The following DEPDC5 variants were observed in gnomAD, a reference collection of about 807,000 sequenced individuals.
DEPDC5 encodes DEP domain containing 5, GATOR1 subcomplex subunit, also known as GATOR1 complex protein DEPDC5.
In DEPDC5, 73 loss-of-function variants were observed where a neutral mutation model predicts 217.3. The ratio of observed to expected loss-of-function variants is 0.34; its 90% CI spans 0.28 to 0.41. The LOEUF (loss-of-function observed/expected upper bound fraction) is 0.41. DEPDC5 is among the 10% of genes least tolerant of loss of function. The probability of loss-of-function intolerance (pLI) is 1.00; values close to 1 mark genes in which losing one functional copy is unlikely to be tolerated. For synonymous variants in DEPDC5, 733 were observed against 756.7 expected (o/e 0.97, Z 0.51); for missense variants, 1,675 against 2,070.1 (o/e 0.81, Z 3.70).
At chr22:31,847,002 C>G in intron 31 of DEPDC5, 35 bp downstream of exon 31, 8 of 1,614,050 alleles carry the variant, frequency 5.0e-6, no homozygotes, top group Non-Finnish European at 6.8e-6. Flanking sequence ...TTGTCCCCAC[C>G]TTGACAGCCC....
chr22:31,851,417 G>C (rs1157378575), intron 31 of DEPDC5, among the ~76,000 whole-genome samples: 1 of 152,176 alleles, frequency 6.6e-6, no homozygotes, highest in Non-Finnish European at 1.5e-5. Flanking sequence ...AGAAAACATT[G>C]CCTTGGGCTG....
chr22:31,837,126 T>A lies in DEPDC5; in HGVS notation c.2325T>A (p.Tyr775Ter), dbSNP rs374158137. ...AGAATGACTACACAGAGGGCTGTTATGATCTCCTTCCAGAAGCAGACATCG... is the reference window on the plus strand; with the variant it reads ...AGAATGACTACACAGAGGGCTGTTAAGATCTCCTTCCAGAAGCAGACATCG... Reference protein sequence around the residue: ...GLQNDYTEGCYDLLPEADIDR... With the variant: ...GLQNDYTEGC Residue 775 changes from tyrosine (Y) to a stop codon, truncating the protein, a stop_gained, in exon 26 of 43, where the codon TAT becomes TAA. Coordinates refer to ENST00000651528, the MANE Select transcript of DEPDC5 (RefSeq NM_001242896.3). LOFTEE classifies it high-confidence loss of function. 6.2e-7 allele frequency: 1 copy of A among 1,614,150 alleles called. No individual in the cohort carries two copies. The highest frequency in any genetic ancestry group is 1.3e-5 in the African/African-American group (1 of 75,034).
chr22:31,819,142 C>A lies in DEPDC5; in HGVS notation c.1787C>A (p.Ala596Glu). ...CCTGGTGGATACACGCCCCAGAGAG[C>A]ACTGATTAACCCCTTCGCTCCCTCT... ...VRPGGYTPQR[A>E]LINPFAPSRM... is the part of the protein sequence containing the mutation. The change falls in exon 22 of 43, where the codon GCA becomes GAA. Residue 596 changes from alanine (A) to glutamate (E), a missense_variant. By Grantham distance (107) the Ala-to-Glu change is moderately radical. Around this residue, in one of 11 missense-constraint regions of DEPDC5, gnomAD observed 628 missense variants for 762.1 expected, o/e 0.82. Transcript: ENST00000651528. 6.2e-7 allele frequency: 1 copy of A among 1,614,180 alleles called. No individual in the cohort carries two copies. The highest frequency in any genetic ancestry group is 8.5e-7 in the Non-Finnish European group (1 of 1,180,030).
intron 24 of DEPDC5, among the ~76,000 whole-genome samples, chr22:31,828,209 G>A (rs909535631): frequency 6.6e-6 from 1 of 152,186 alleles, no homozygotes; most frequent in Non-Finnish European, 1.5e-5. Context: ...CCAGCACTTT[G>A]GGAGGCCAAG....
rs1014849515 is a variant in DEPDC5, at chr22:31,893,644, C to T, written c.4096C>T (p.Arg1366Trp). 6 of 1,613,642 alleles carry T rather than the reference C, an allele frequency of 3.7e-6. No individual in the cohort carries two copies. Among genetic ancestry groups the T allele is most frequent in the Middle Eastern group, 1.6e-4 (1 of 6,084 alleles). ...TGTTGACGTGAACAACCGCACAGAC[C>T]GGCTGGAGTGGTGCAGCTGTTATTA... ...LDVDVNNRTD[R>W]LEWCSCYYHG... Residue 1366 changes from arginine (R) to tryptophan (W), a missense_variant, in exon 39 of 43, where the codon CGG becomes TGG. Transcript: ENST00000651528.
chr22:31,831,984 T>G (rs1290813123), intron 24 of DEPDC5, among the ~76,000 whole-genome samples: 1 of 152,224 alleles, frequency 6.6e-6, no homozygotes, highest in Non-Finnish European at 1.5e-5. Context: ...CCCTCTGGTT[T>G]TACCTTTCCC....
chr22:31,812,735 T>C (rs2056086476), intron 20 of DEPDC5, among the ~76,000 whole-genome samples: 1 of 142,938 alleles, frequency 7.0e-6, no homozygotes, highest in African/African-American at 2.6e-5. Context: ...ATTTTCCAGA[T>C]TTCTTTCTTT....
intron 21 of DEPDC5, 129 bp downstream of exon 21, chr22:31,815,341 A>T: frequency 1.2e-6 from 1 of 863,456 alleles, no homozygotes; most frequent in Non-Finnish European, 1.9e-6. Flanking sequence ...CCAGTGCAGT[A>T]GGTACAAATC....
chr22:31,838,970 T>C, intron 27 of DEPDC5, 125 bp downstream of exon 27: 1 of 1,045,064 alleles, frequency 9.6e-7, no homozygotes, highest in Non-Finnish European at 1.4e-6. Context: ...GTTTTCTTTA[T>C]AAATTCTACT....
chr22:31,806,375 G>A (rs558984358), intron 18 of DEPDC5, among the ~76,000 whole-genome samples, 184 bp downstream of exon 18: 4 of 152,216 alleles, frequency 2.6e-5, no homozygotes, highest in Non-Finnish European at 4.4e-5. Context: ...GGACTATCAC[G>A]CATTGATAGG....
intron 2 of DEPDC5, among the ~76,000 whole-genome samples, chr22:31,758,287 G>A (rs2082101480): frequency 6.6e-6 from 1 of 152,152 alleles, no homozygotes; most frequent in South Asian, 2.1e-4. Context: ...GGGCTGCTCT[G>A]CCCCTGGAAG....
At chr22:31,826,900 T>G (rs2090194861) in intron 24 of DEPDC5, among the ~76,000 whole-genome samples, 2 of 151,386 alleles carry the variant, frequency 1.3e-5, no homozygotes, top group Non-Finnish European at 1.5e-5. Flanking sequence ...ATACATAGTT[T>G]TTTTTTTTTT....
At chr22:31,898,455 G>A (rs944283001) in intron 40 of DEPDC5, among the ~76,000 whole-genome samples, 2 of 152,122 alleles carry the variant, frequency 1.3e-5, no homozygotes, top group African/African-American at 4.8e-5. Flanking sequence ...TTTTTAAAAC[G>A]CAAAGCTAGG....
At chr22:31,777,948 A>G (rs970403128) in intron 7 of DEPDC5, 151 bp from the exon 8 acceptor site, 5 of 746,062 alleles carry the variant, frequency 6.7e-6, no homozygotes, top group South Asian at 1.7e-5. Flanking sequence ...GGGTTTCACC[A>G]TGTTGTCCAG....
chr22:31,809,591 T>C lies in DEPDC5; in HGVS notation c.1288-20T>C. 1.2e-6 allele frequency: 2 copies of C among 1,613,474 alleles called. No homozygotes were observed. The highest frequency in any genetic ancestry group is 8.5e-7 in the Non-Finnish European group (1 of 1,179,446). ...TTCTAGCGAAGGAAGGAGTGATTAA[T>C]TATCTATTTAATTTTTCAGCCCGCC... On this transcript the variant is annotated intron_variant, in intron 18 of 42. Transcript: ENST00000651528.
rs746955284 is a variant in DEPDC5 at position 31,879,683 on chromosome 22, T to A, written c.3964T>A (p.Ser1322Thr). 2.5e-6 allele frequency: 4 copies of A among 1,614,132 alleles called. No homozygotes were observed. In the South Asian group the frequency reaches 4.4e-5, roughly 18 times the overall value. Residue 1322 changes from serine to threonine, a missense_variant, in exon 38 of 43, where the codon TCC becomes ACC. Coordinates refer to ENST00000651528, the MANE Select transcript of DEPDC5 (RefSeq NM_001242896.3). ...LLPWLPSRPA[S>T]YASRHSSFSR... ...GCCCTGGCTGCCTAGCCGGCCAGCC[T>A]CCTATGCAAGTAGGCACAGCTCCTT... is the stretch of plus-strand genomic sequence containing the variant.
chr22:31,849,498 TTGG>T (rs1043085401), intron 31 of DEPDC5, among the ~76,000 whole-genome samples: 4 of 151,954 alleles, frequency 2.6e-5, no homozygotes, highest in African/African-American at 9.7e-5. Flanking sequence ...TCATCAGATC[TTGG>T]TGGGCATAGT....
At chr22:31,869,346 C>T (rs1025686205) in intron 33 of DEPDC5, among the ~76,000 whole-genome samples, 2 of 151,968 alleles carry the variant, frequency 1.3e-5, no homozygotes, top group Non-Finnish European at 2.9e-5. Flanking sequence ...TCCTTGAGGC[C>T]TCGGGCGGAC....
At chr22:31,804,252 A>G (rs774974435) in intron 16 of DEPDC5, 29 bp downstream of exon 16, 1 of 1,611,212 alleles carries the variant, frequency 6.2e-7, no homozygotes, top group Non-Finnish European at 8.5e-7. Flanking sequence ...TGTTTACTAA[A>G]GGCCAGTTGG....
Sources: gnomAD v4.1 joint callset for allele counts (sites outside exome capture counted in the v4.1 genomes callset) on GRCh38, gnomAD v4.1.1 for gene constraint, gnomAD v4.1.1 regional missense constraint, MANE v1.5 for transcripts, NCBI Gene and HGNC (gene_info 2026-07-23, HGNC 2026-07-21) for gene names.